The following ATAD5 variants were observed in gnomAD, a reference collection of about 807,000 sequenced individuals.
The protein encoded by ATAD5 is ATPase family AAA domain-containing protein 5.
A neutral mutation model predicts 176.9 loss-of-function variants in ATAD5; 58 were observed. The ratio of observed to expected loss-of-function variants is 0.33; its 90% CI spans 0.27 to 0.41. The LOEUF (loss-of-function observed/expected upper bound fraction) is 0.41. Ranked by LOEUF, ATAD5 falls within the 10% of genes least tolerant of loss-of-function variation. The pLI is 1.00. For synonymous variants in ATAD5, 640 were observed against 712.6 expected, an observed-to-expected ratio of 0.90 and a Z score of 1.62; for missense variants, 1,789 against 2,094.1, an observed-to-expected ratio of 0.85 and a Z score of 2.84.
intron 6 of ATAD5, among the ~76,000 whole-genome samples, chr17:30,852,399 C>T (rs193107751): frequency 9.9e-4 from 150 of 151,968 alleles, no homozygotes; most frequent in Non-Finnish European, 1.1e-3. Flanking sequence ...CTCTGTGGAC[C>T]CCTGGTTCCT....
At chr17:30,841,739 T>C (rs1420604732) in intron 4 of ATAD5, among the ~76,000 whole-genome samples, 5 of 152,174 alleles carry the variant, frequency 3.3e-5, no homozygotes, top group East Asian at 3.9e-4. Context: ...TCATATAGCA[T>C]GTGGTTTTTT....
At chr17:30,880,028 A>G (rs1180513276) in intron 18 of ATAD5, among the ~76,000 whole-genome samples, 1 of 150,446 alleles carries the variant, frequency 6.6e-6, no homozygotes, top group Non-Finnish European at 1.5e-5. Flanking sequence ...AAGGCCAGGC[A>G]CAGTTGCTCA....
At chr17:30,852,545 T>C (rs1451272811) in intron 6 of ATAD5, among the ~76,000 whole-genome samples, 2 of 152,216 alleles carry the variant, frequency 1.3e-5, no homozygotes, top group Admixed American at 1.3e-4. Context: ...CATAAACGAA[T>C]ACCTAAGACT....
At position 30,876,536 on chromosome 17, in the gene ATAD5, T is replaced by A; in HGVS notation, c.3770T>A (p.Leu1257Gln). 2 of 1,556,954 alleles carry A rather than the reference T, an allele frequency of 1.3e-6. No homozygotes were observed. The highest frequency in any genetic ancestry group is 1.8e-6 in the Non-Finnish European group (2 of 1,140,866). Residue 1257 changes from leucine to glutamine, a missense_variant, in exon 15 of 23, where the codon CTG (leucine) becomes CAG (glutamine). By Grantham distance (113) the Leu-to-Gln change is moderately radical. Around this residue, in one of 6 missense-constraint regions of ATAD5, gnomAD observed 194 missense variants for 270.1 expected, o/e 0.72. Coordinates refer to ENST00000321990, the MANE Select transcript of ATAD5 (RefSeq NM_024857.5). ...AATAATGAAGAAATAGGAATGCTTC[T>A]GGAAAATAATAAAGGTAAGACATTA... The part of the protein sequence containing the change: ...PKNNEEIGML[L>Q]ENNKGIKNSF...
chr17:30,887,194 A>G lies in ATAD5; in HGVS notation c.4080A>G (p.Leu1360=), dbSNP rs761323852. 2.2e-5 allele frequency: 35 copies of G among 1,576,776 alleles called. No individual in the cohort carries two copies. Among genetic ancestry groups the G allele is most frequent in the Non-Finnish European group, 2.9e-5 (34 of 1,165,956 alleles). ...ACATTTCTCTCTCTGTTTTGAAGCT[A>G]AATGTTGCCAGCTACCTACAAATGA... ...EEIKFSTPSL[L]NVASYLQMIC... Residue 1360 remains leucine (L), a splice_region_variant and synonymous_variant, in exon 19 of 23, where the codon CTA becomes CTG. Coordinates refer to ENST00000321990, the MANE Select transcript of ATAD5 (RefSeq NM_024857.5).
At chr17:30,868,849 C>CTT (rs568729653) in intron 12 of ATAD5, among the ~76,000 whole-genome samples, 10 of 131,690 alleles carry the variant, frequency 7.6e-5, no homozygotes, top group African/African-American at 2.0e-4. Flanking sequence ...TGATTTTCTA[C>CTT]TTTTTTTTTT....
intron 19 of ATAD5, among the ~76,000 whole-genome samples, chr17:30,892,295 C>T (rs984627975): frequency 1.3e-5 from 2 of 151,660 alleles, no homozygotes; most frequent in Admixed American, 6.6e-5. Context: ...TGTGGTAGCG[C>T]GTGCCTGTAA....
chr17:30,846,603 A>T (rs1330913190), intron 6 of ATAD5, among the ~76,000 whole-genome samples: 1 of 151,724 alleles, frequency 6.6e-6, no homozygotes, highest in Non-Finnish European at 1.5e-5. Flanking sequence ...GGGTTTCACC[A>T]TGTTGGCCAG....
At chr17:30,882,629 T>G (rs560276921) in intron 18 of ATAD5, among the ~76,000 whole-genome samples, 8 of 152,254 alleles carry the variant, frequency 5.3e-5, no homozygotes, top group Non-Finnish European at 8.8e-5. Flanking sequence ...CAATTCTTCA[T>G]TCTTCCTTTT....
chr17:30,885,036 C>T (rs1909239703), intron 18 of ATAD5, among the ~76,000 whole-genome samples: 1 of 152,284 alleles, frequency 6.6e-6, no homozygotes, highest in South Asian at 2.1e-4. Context: ...CGTGAGCCAC[C>T]GTGCCCAGCT....
chr17:30,890,280 C>A (rs1161203623), intron 19 of ATAD5, among the ~76,000 whole-genome samples: 2 of 152,028 alleles, frequency 1.3e-5, no homozygotes, highest in African/African-American at 4.8e-5. Flanking sequence ...AAATATAATA[C>A]ATAACACATG....
Position 30,835,668 on chromosome 17 carries a change from A to G in ATAD5, c.1587A>G (p.Lys529=). 6.2e-7 allele frequency: 1 copy of G among 1,605,842 alleles called. No homozygotes were observed. Among genetic ancestry groups the G allele is most frequent in the Non-Finnish European group, 8.5e-7 (1 of 1,177,560 alleles). ...GACAAAGGAAAACAGAGTTTTTCAAAAGCAGCACTTTATTTAACAATGAAA... is the reference window on the plus strand; with the variant it reads ...GACAAAGGAAAACAGAGTTTTTCAAGAGCAGCACTTTATTTAACAATGAAA... The part of the protein sequence containing the change: ...SLRQRKTEFF[K]SSTLFNNESL... The change falls in exon 2 of 23, where the codon AAA becomes AAG. Residue 529 remains lysine (K), a synonymous_variant. Coordinates refer to ENST00000321990, the MANE Select transcript of ATAD5 (RefSeq NM_024857.5).
rs143595900 is a variant in ATAD5 at position 30,883,301 on chromosome 17, T to A, written c.4077+3814T>A. On this transcript the variant is annotated intron_variant, in intron 18 of 22. Coordinates refer to ENST00000321990, the MANE Select transcript of ATAD5 (RefSeq NM_024857.5). Reference sequence around the variant, plus strand: ...CACCACGCCCAGCTAATTAAAAAAATTTTTTTGTAGAGATGAGGTCTCACT... The same window carrying A: ...CACCACGCCCAGCTAATTAAAAAAAATTTTTTGTAGAGATGAGGTCTCACT... Among the ~76,000 whole-genome samples the A allele has an allele frequency of 2.6e-4, 40 of 151,824 alleles. No individual in the cohort carries two copies. In the East Asian group the frequency reaches 6.8e-3, roughly 26 times the overall value.
rs765984091 is a variant in ATAD5, at chr17:30,894,948, A to T, written c.*35A>T. The stretch of plus-strand genomic sequence containing the variant: ...CTAACAATGCTTTGTATAGATTATC[A>T]TGTGGTCCTTAAGATACATTTTTAT... On this transcript the variant is annotated 3_prime_UTR_variant, in exon 23 of 23. Coordinates refer to ENST00000321990, the MANE Select transcript of ATAD5 (RefSeq NM_024857.5). 7.1e-7 allele frequency: 1 copy of T among 1,417,710 alleles called. No individual in the cohort carries two copies. The highest frequency in any genetic ancestry group is 9.6e-7 in the Non-Finnish European group (1 of 1,039,392). 87.8% of individuals were successfully genotyped at this position (1,417,710 alleles called of 1,614,324 possible).
At chr17:30,875,437 C>T (rs1567695145) in intron 14 of ATAD5, among the ~76,000 whole-genome samples, 1 of 152,112 alleles carries the variant, frequency 6.6e-6, no homozygotes, top group Non-Finnish European at 1.5e-5. Flanking sequence ...CCTCCACCCT[C>T]TTCTTTCTTT....
At chr17:30,870,832 T>C (rs1908293704) in intron 14 of ATAD5, among the ~76,000 whole-genome samples, 1 of 152,118 alleles carries the variant, frequency 6.6e-6, no homozygotes, top group African/African-American at 2.4e-5. Context: ...CTTTGGAGAT[T>C]TTCTCACTGG....
At position 30,835,334 on chromosome 17, in the gene ATAD5, G is replaced by A. The variant is rs779103209; in HGVS notation, c.1253G>A (p.Gly418Glu). 3 of 1,613,704 alleles carry A rather than the reference G, an allele frequency of 1.9e-6. No individual in the cohort carries two copies. Among genetic ancestry groups the A allele is most frequent in the Middle Eastern group, 3.3e-4 (2 of 6,062 alleles). Residue 418 changes from glycine to glutamate, a missense_variant, in exon 2 of 23, where the codon GGA (glycine) becomes GAA (glutamate). Coordinates refer to ENST00000321990, the MANE Select transcript of ATAD5 (RefSeq NM_024857.5). ...RQPASDALKN[G>E]VKKSSDKQKD... Reference sequence around the variant, plus strand: ...CCAGCATCAGATGCACTTAAAAATGGAGTTAAAAAGTCTTCTGATAAGCAG... The same window carrying A: ...CCAGCATCAGATGCACTTAAAAATGAAGTTAAAAAGTCTTCTGATAAGCAG...
chr17:30,854,821 C>T (rs143098947), intron 6 of ATAD5, among the ~76,000 whole-genome samples: 350 of 152,166 alleles, frequency 2.3e-3, no homozygotes, highest in Non-Finnish European at 3.5e-3. Context: ...TACAGTGGCG[C>T]GATCCTGACT....
Position 30,893,878 on chromosome 17 carries a change from T to C in ATAD5, c.5025T>C (p.Asn1675=), listed in dbSNP as rs528160339. 1.2e-6 allele frequency: 2 copies of C among 1,613,984 alleles called. No homozygotes were observed. Among genetic ancestry groups the C allele is most frequent in the Non-Finnish European group, 1.7e-6 (2 of 1,179,898 alleles). Residue 1675 remains asparagine (N), a synonymous_variant, in exon 21 of 23, where the codon AAT becomes AAC. Coordinates refer to ENST00000321990, the MANE Select transcript of ATAD5 (RefSeq NM_024857.5). ...DVREQNKYGR[N]DFSWTNGKVT... is the part of the protein sequence containing the mutation. ...GGGAACAAAACAAATACGGTAGAAATGACTTTAGTTGGACAAATGGAAAGG... is the reference window on the plus strand; with the variant it reads ...GGGAACAAAACAAATACGGTAGAAACGACTTTAGTTGGACAAATGGAAAGG...
Sources: allele counts gnomAD v4.1 joint callset (sites outside exome capture counted in the v4.1 genomes callset), GRCh38; gene constraint gnomAD v4.1.1; regional missense constraint gnomAD v4.1.1; transcripts MANE v1.5; gene names NCBI Gene and HGNC (gene_info 2026-07-23, HGNC 2026-07-21).